CA10: variants seen among roughly 807,000 people sequenced by gnomAD.
CA10 encodes carbonic anhydrase-related protein 10.
A neutral mutation model predicts 44.2 loss-of-function variants in CA10; 14 were observed. The ratio of observed to expected loss-of-function variants is 0.32; its 90% CI spans 0.21 to 0.50. The LOEUF is 0.50. CA10 is among the 20% of genes least tolerant of loss of function. The pLI is 0.99. For missense variants in CA10, 350 were observed against 409.7 expected, an observed-to-expected ratio of 0.85 and a Z score of 1.26; for synonymous variants, 159 against 141.6, an observed-to-expected ratio of 1.12 and a Z score of -0.87.
At chr17:51,773,548 T>G (rs1905693777) in intron 3 of CA10, among the ~76,000 whole-genome samples, 1 of 152,214 alleles carries the variant, frequency 6.6e-6, no homozygotes, top group Admixed American at 6.5e-5. Flanking sequence ...GAAGCCAGAT[T>G]GCTCAGGTCT....
At chr17:51,941,248 C>G (rs1284845838) in intron 2 of CA10, among the ~76,000 whole-genome samples, 1 of 152,090 alleles carries the variant, frequency 6.6e-6, no homozygotes, top group African/African-American at 2.4e-5. Context: ...TTATGGTTTC[C>G]TCCTCAATAT....
At chr17:51,809,726 A>G (rs1907281795) in intron 3 of CA10, among the ~76,000 whole-genome samples, 1 of 152,092 alleles carries the variant, frequency 6.6e-6, no homozygotes, top group African/African-American at 2.4e-5. Context: ...CATATCGGGG[A>G]AGATATTAAC....
At chr17:52,055,608 T>C (rs1432192633) in intron 2 of CA10, among the ~76,000 whole-genome samples, 2 of 152,112 alleles carry the variant, frequency 1.3e-5, no homozygotes, top group African/African-American at 4.8e-5. Flanking sequence ...GTAAATGTAT[T>C]GTGAAACTGA....
chr17:51,675,348 T>C (rs1286987836), intron 4 of CA10, among the ~76,000 whole-genome samples: 1 of 151,988 alleles, frequency 6.6e-6, no homozygotes, highest in Non-Finnish European at 1.5e-5. Context: ...TCACCTGAGG[T>C]CAGGAGTTTG....
intron 3 of CA10, among the ~76,000 whole-genome samples, chr17:51,869,673 G>A (rs1235688999): frequency 1.3e-5 from 2 of 152,176 alleles, no homozygotes; most frequent in Non-Finnish European, 2.9e-5. Flanking sequence ...ACTTTGGGAG[G>A]CTGAGGGGAG....
chr17:52,113,187 T>A (rs1182418054), intron 1 of CA10, among the ~76,000 whole-genome samples: 1 of 152,208 alleles, frequency 6.6e-6, no homozygotes, highest in Non-Finnish European at 1.5e-5. Context: ...CTTACAAGTT[T>A]GTCCAGATTA....
At chr17:51,698,353 A>G (rs749964292) in intron 4 of CA10, among the ~76,000 whole-genome samples, 4 of 152,202 alleles carry the variant, frequency 2.6e-5, no homozygotes, top group Non-Finnish European at 5.9e-5. Context: ...TTCACTTAGG[A>G]CCAGTATCTG....
At chr17:51,939,907 T>A (rs558948717) in intron 2 of CA10, among the ~76,000 whole-genome samples, 10 of 152,230 alleles carry the variant, frequency 6.6e-5, no homozygotes, top group Admixed American at 1.3e-4. Flanking sequence ...TATGGTTGGA[T>A]TTGTTGATAA....
At chr17:51,946,328 G>T (rs1019201867) in intron 2 of CA10, among the ~76,000 whole-genome samples, 2 of 152,152 alleles carry the variant, frequency 1.3e-5, no homozygotes, top group African/African-American at 4.8e-5. Context: ...AGTGTGTGAG[G>T]TAAGACGTAT....
At chr17:51,934,352 C>T (rs1167691382) in intron 2 of CA10, among the ~76,000 whole-genome samples, 1 of 110,224 alleles carries the variant, frequency 9.1e-6, no homozygotes, top group East Asian at 2.3e-4. Context: ...TGCTACTGAG[C>T]CTCTGCTGCT....
chr17:51,683,939 C>T (rs1001310652), intron 4 of CA10, among the ~76,000 whole-genome samples: 14 of 152,194 alleles, frequency 9.2e-5, no homozygotes, highest in African/African-American at 3.4e-4. Context: ...CCTGGTCCCA[C>T]CCTGCGGCAG....
At chr17:52,156,211 T>C (rs1239911025) in intron 1 of CA10, among the ~76,000 whole-genome samples, 3 of 152,196 alleles carry the variant, frequency 2.0e-5, no homozygotes, top group African/African-American at 7.2e-5. Flanking sequence ...GAAATAGACA[T>C]GTAGAAGAGA....
intron 6 of CA10, among the ~76,000 whole-genome samples, chr17:51,636,537 A>G (rs1912834713): frequency 6.6e-6 from 1 of 152,180 alleles, no homozygotes; most frequent in Non-Finnish European, 1.5e-5. Context: ...GTGAGCTGTA[A>G]GCAATGCGTT....
chr17:52,139,448 G>A (rs1027916514), intron 1 of CA10, among the ~76,000 whole-genome samples: 6 of 128,708 alleles, frequency 4.7e-5, no homozygotes, highest in African/African-American at 1.9e-4. Context: ...GTAAGACAAG[G>A]TGATTTTTTT....
At chr17:51,971,795 G>C (rs1282187482) in intron 2 of CA10, among the ~76,000 whole-genome samples, 1 of 151,836 alleles carries the variant, frequency 6.6e-6, no homozygotes, top group Non-Finnish European at 1.5e-5. Context: ...AGATGCTAGA[G>C]ATCTATTTTA....
intron 3 of CA10, among the ~76,000 whole-genome samples, chr17:51,765,928 C>T (rs16950484): frequency 1.3e-5 from 2 of 152,178 alleles, no homozygotes; most frequent in East Asian, 1.9e-4. Flanking sequence ...GAGATCACTA[C>T]GAGGTAAGCA....
intron 4 of CA10, among the ~76,000 whole-genome samples, chr17:51,695,714 A>C (rs1915381411): frequency 1.3e-5 from 2 of 152,078 alleles, no homozygotes; most frequent in South Asian, 4.1e-4. Context: ...GAATAGAAGT[A>C]GTGAGAATGA....
At chr17:52,155,024 G>A (rs1163333089) in intron 1 of CA10, among the ~76,000 whole-genome samples, 2 of 152,276 alleles carry the variant, frequency 1.3e-5, no homozygotes, top group African/African-American at 2.4e-5. Context: ...TTTCCTGAAA[G>A]CAAATGCCAC....
At chr17:51,788,788 C>T (rs552632270) in intron 3 of CA10, among the ~76,000 whole-genome samples, 1 of 152,284 alleles carries the variant, frequency 6.6e-6, no homozygotes, top group South Asian at 2.1e-4. Context: ...TGATTCTACA[C>T]AGAATTATCT....
Sources: allele counts gnomAD v4.1 joint callset (sites outside exome capture counted in the v4.1 genomes callset), GRCh38; gene constraint gnomAD v4.1.1; transcripts MANE v1.5; gene names NCBI Gene and HGNC (gene_info 2026-07-23, HGNC 2026-07-21).